DLGAP1: variants seen among roughly 807,000 people sequenced by gnomAD.
The protein encoded by DLGAP1 is disks large-associated protein 1.
DLGAP1 carries 11 observed loss-of-function variants against 90.8 expected under a neutral mutation model. The observed-to-expected ratio is 0.12, with a 90% CI of 0.08 to 0.20. The LOEUF (loss-of-function observed/expected upper bound fraction) is 0.20. Ranked by LOEUF, DLGAP1 falls within the 10% of genes least tolerant of loss-of-function variation. The probability of loss-of-function intolerance (pLI) is 1.00; values close to 1 mark genes in which losing one functional copy is unlikely to be tolerated. For synonymous variants in DLGAP1, 558 were observed against 540.7 expected (o/e 1.03, Z -0.44); for missense variants, 1,050 against 1,333.8 (o/e 0.79, Z 3.31).
intron 3 of DLGAP1, among the ~76,000 whole-genome samples, chr18:3,937,184 C>G (rs1316840577): frequency 5.3e-5 from 8 of 152,168 alleles, no homozygotes; most frequent in African/African-American, 1.9e-4. Context: ...AATGCAATTC[C>G]TGCTTGCATA....
intron 3 of DLGAP1, among the ~76,000 whole-genome samples, chr18:3,981,956 T>C (rs532502754): frequency 6.6e-5 from 10 of 152,210 alleles, no homozygotes; most frequent in Non-Finnish European, 1.2e-4. Flanking sequence ...CTACTTTTTA[T>C]ATTATATTAT....
intron 2 of DLGAP1, among the ~76,000 whole-genome samples, chr18:4,048,643 C>A (rs1193450473): frequency 6.6e-6 from 1 of 152,144 alleles, no homozygotes; most frequent in African/African-American, 2.4e-5. Flanking sequence ...CCAACTTGTG[C>A]CTGCACTAGA....
intron 1 of DLGAP1, among the ~76,000 whole-genome samples, chr18:4,180,518 G>A (rs2077189075): frequency 6.6e-6 from 1 of 152,156 alleles, no homozygotes; most frequent in Admixed American, 6.5e-5. Context: ...ACTGGAGCAG[G>A]TGGCACCGAT....
At chr18:3,607,909 G>A (rs1232276149) in intron 7 of DLGAP1, 2 of 152,156 alleles carry the variant, frequency 1.3e-5, no homozygotes, top group Admixed American at 6.6e-5. Flanking sequence ...AATGTTCTGG[G>A]AAAGTTTACC....
rs553345387 is a variant in DLGAP1, at chr18:4,155,732, TGGGGA to T, written c.-266-4450_-266-4446del. Among the ~76,000 whole-genome samples the T allele has an allele frequency of 7.2e-5, 11 of 152,092 alleles. 1 individual carries two copies. In the South Asian group the frequency reaches 2.3e-3, roughly 32 times the overall value. ...AACATGGTGGGCTGGTGGGGTGCTGTGGGGAAGTGGAAGAAGGAGTGGATCAAGGA... is the reference window on the plus strand; with the variant it reads ...AACATGGTGGGCTGGTGGGGTGCTGTAGTGGAAGAAGGAGTGGATCAAGGA... On this transcript the variant is annotated intron_variant, in intron 1 of 12. Transcript: ENST00000315677.
chr18:3,632,754 T>C (rs982805635), intron 7 of DLGAP1, among the ~76,000 whole-genome samples: 7 of 152,138 alleles, frequency 4.6e-5, no homozygotes, highest in Admixed American at 1.3e-4. Context: ...CTAGAAAAAG[T>C]CTTTTTTTTT....
At chr18:4,103,494 AT>A (rs1409684537) in intron 2 of DLGAP1, among the ~76,000 whole-genome samples, 2 of 152,142 alleles carry the variant, frequency 1.3e-5, no homozygotes, top group Non-Finnish European at 2.9e-5. Context: ...TTGCTTATTA[AT>A]TTTTATTCTG....
At chr18:3,933,899 C>G (rs1337494245) in intron 3 of DLGAP1, among the ~76,000 whole-genome samples, 1 of 152,152 alleles carries the variant, frequency 6.6e-6, no homozygotes, top group Non-Finnish European at 1.5e-5. Context: ...TCTTCCTCCA[C>G]AGTATCCCCA....
intron 1 of DLGAP1, among the ~76,000 whole-genome samples, chr18:4,217,431 T>C (rs2077981005): frequency 1.3e-5 from 2 of 152,142 alleles, no homozygotes; most frequent in African/African-American, 2.4e-5. Flanking sequence ...GGTTATATTT[T>C]GTAAGTGACA....
intron 1 of DLGAP1, among the ~76,000 whole-genome samples, chr18:4,328,996 A>C (rs2080888248): frequency 6.6e-6 from 1 of 151,950 alleles, no homozygotes; most frequent in Non-Finnish European, 1.5e-5. Flanking sequence ...TGGTCTTTTA[A>C]TTTTGTAAGT....
intron 7 of DLGAP1, among the ~76,000 whole-genome samples, chr18:3,621,043 C>A (rs928027221): frequency 6.6e-6 from 1 of 152,154 alleles, no homozygotes; most frequent in Non-Finnish European, 1.5e-5. Flanking sequence ...GGAGGTGGGG[C>A]CAGCACCCTG....
intron 3 of DLGAP1, among the ~76,000 whole-genome samples, chr18:3,905,488 G>C (rs993185930): frequency 1.3e-5 from 2 of 148,180 alleles, no homozygotes; most frequent in African/African-American, 4.9e-5. Context: ...ACAAAAATTT[G>C]TTTATAATTA....
At chr18:4,345,082 T>C (rs1209460793) in intron 1 of DLGAP1, among the ~76,000 whole-genome samples, 1 of 152,182 alleles carries the variant, frequency 6.6e-6, no homozygotes, top group Non-Finnish European at 1.5e-5. Context: ...ATGACCTTTA[T>C]TTCTCAACAT....
At chr18:4,120,044 C>G (rs1300249041) in intron 2 of DLGAP1, among the ~76,000 whole-genome samples, 1 of 152,210 alleles carries the variant, frequency 6.6e-6, no homozygotes, top group African/African-American at 2.4e-5. Context: ...TGCTGAATTA[C>G]AATTTATCAT....
intron 1 of DLGAP1, among the ~76,000 whole-genome samples, chr18:4,191,618 T>C (rs2077401404): frequency 6.6e-6 from 1 of 152,170 alleles, no homozygotes; most frequent in African/African-American, 2.4e-5. Context: ...CCATCACATT[T>C]GTGTCAAAAT....
intron 4 of DLGAP1, among the ~76,000 whole-genome samples, chr18:3,833,542 TTTTGA>T (rs1477317693): frequency 6.6e-6 from 1 of 152,142 alleles, no homozygotes; most frequent in African/African-American, 2.4e-5. Flanking sequence ...GACTGTTTTG[TTTTGA>T]TTTACTAAAC....
At chr18:3,890,708 A>T (rs1321879215) in intron 3 of DLGAP1, among the ~76,000 whole-genome samples, 2 of 152,178 alleles carry the variant, frequency 1.3e-5, no homozygotes, top group Non-Finnish European at 2.9e-5. Context: ...TTGTTTCTGG[A>T]TTAAAGTATT....
At chr18:4,269,991 G>T (rs1452229632) in intron 1 of DLGAP1, among the ~76,000 whole-genome samples, 1 of 152,182 alleles carries the variant, frequency 6.6e-6, no homozygotes, top group Admixed American at 6.5e-5. Flanking sequence ...GATTGAAATA[G>T]AAATTTATGC....
intron 7 of DLGAP1, among the ~76,000 whole-genome samples, chr18:3,705,205 C>T (rs1033370876): frequency 1.3e-5 from 2 of 151,946 alleles, no homozygotes; most frequent in Non-Finnish European, 1.5e-5. Context: ...ATGACTTCAG[C>T]GAACCATCTG....
Sources: gnomAD v4.1 joint callset for allele counts (sites outside exome capture counted in the v4.1 genomes callset) on GRCh38, gnomAD v4.1.1 for gene constraint, MANE v1.5 for transcripts, NCBI Gene and HGNC (gene_info 2026-07-23, HGNC 2026-07-21) for gene names.